PTPRD: variants seen among roughly 807,000 people sequenced by gnomAD.
The protein encoded by PTPRD is receptor-type tyrosine-protein phosphatase delta.
Under a neutral mutation model 214.5 loss-of-function variants are expected in PTPRD, and 34 were observed. The observed-to-expected ratio is 0.16, with a 90% confidence interval of 0.12 to 0.21. The LOEUF is 0.21. Among genes scored for constraint, PTPRD ranks in the 10% least tolerant of loss-of-function variants. PTPRD has a pLI of 1.00. For missense variants in PTPRD, 2,545 were observed against 2,398.7 expected (o/e 1.06, Z -1.27); for synonymous variants, 1,128 against 845.7 (o/e 1.33, Z -5.79).
At chr9:9,432,003 G>A (rs905147380) in intron 8 of PTPRD, among the ~76,000 whole-genome samples, 4 of 149,808 alleles carry the variant, frequency 2.7e-5, no homozygotes, top group African/African-American at 9.8e-5. Flanking sequence ...GTATACATAC[G>A]TAACAAACCT....
intron 14 of PTPRD, among the ~76,000 whole-genome samples, chr9:8,535,108 T>C (rs529050209): frequency 2.6e-5 from 4 of 151,888 alleles, no homozygotes; most frequent in African/African-American, 9.6e-5. Context: ...CACAGGAAGA[T>C]TGAATTAGAT....
chr9:9,805,020 T>A (rs1463254212), intron 5 of PTPRD, among the ~76,000 whole-genome samples: 1 of 152,122 alleles, frequency 6.6e-6, no homozygotes, highest in Non-Finnish European at 1.5e-5. Context: ...AGTGCAATTA[T>A]GTAATATCTA....
intron 8 of PTPRD, among the ~76,000 whole-genome samples, chr9:9,524,593 A>T (rs2073569659): frequency 6.6e-6 from 1 of 152,168 alleles, no homozygotes; most frequent in African/African-American, 2.4e-5. Flanking sequence ...TTATTATTTC[A>T]TATTGTTCCT....
In PTPRD at chr9:9,412,947, A is replaced by T. The variant is rs545517389; in HGVS notation, c.-236-15465T>A. On this transcript the variant is annotated intron_variant, in intron 8 of 45. Transcript: ENST00000381196. ...TTTCAGAGGAAAGATCAATGGAGGG[A>T]TATAGTTTTGGCAGTGGAACTTAGC... Among the ~76,000 whole-genome samples the T allele has an allele frequency of 2.6e-5, 4 of 152,148 alleles. No individual in the cohort carries two copies. In the East Asian group the frequency reaches 5.8e-4, roughly 22 times the overall value.
At chr9:9,241,090 T>C (rs974520477) in intron 9 of PTPRD, among the ~76,000 whole-genome samples, 1 of 152,146 alleles carries the variant, frequency 6.6e-6, no homozygotes, top group Non-Finnish European at 1.5e-5. Flanking sequence ...CTCATCGAGA[T>C]CAAACAGAGT....
intron 11 of PTPRD, among the ~76,000 whole-genome samples, chr9:8,761,853 T>C (rs1464149559): frequency 6.6e-6 from 1 of 152,162 alleles, no homozygotes; most frequent in Non-Finnish European, 1.5e-5. Flanking sequence ...ACAGTTTTAG[T>C]TTTAAATATA....
At chr9:9,106,908 C>T (rs2099799470) in intron 10 of PTPRD, among the ~76,000 whole-genome samples, 1 of 152,108 alleles carries the variant, frequency 6.6e-6, no homozygotes, top group African/African-American at 2.4e-5. Context: ...TTTGTGATAA[C>T]TTAATCTACC....
chr9:9,615,849 C>A (rs2154348848), intron 7 of PTPRD, among the ~76,000 whole-genome samples: 1 of 152,196 alleles, frequency 6.6e-6, no homozygotes, highest in South Asian at 2.1e-4. Context: ...GTACTCAGAG[C>A]CAAGTGATAG....
intron 3 of PTPRD, among the ~76,000 whole-genome samples, chr9:10,240,823 A>T (rs10809045): frequency 0.37 from 56,467 of 151,554 alleles, 12,456 homozygotes; most frequent in Non-Finnish European, 0.49. Context: ...GGATTTTTGA[A>T]TCATGAACTA....
intron 44 of PTPRD, among the ~76,000 whole-genome samples, chr9:8,323,112 T>A (rs1029619715): frequency 6.6e-6 from 1 of 152,180 alleles, no homozygotes; most frequent in African/African-American, 2.4e-5. Context: ...CAAGAAAGAA[T>A]GGATGATAAG....
intron 4 of PTPRD, among the ~76,000 whole-genome samples, chr9:9,983,380 T>C (rs72692769): frequency 0.21 from 32,341 of 152,174 alleles, 4,250 homozygotes; most frequent in Middle Eastern, 0.33. Flanking sequence ...ATAAATACAC[T>C]ATAGTAAAAT....
intron 33 of PTPRD, among the ~76,000 whole-genome samples, chr9:8,455,813 A>C (rs1192893647): frequency 6.6e-6 from 1 of 152,224 alleles, no homozygotes; most frequent in Non-Finnish European, 1.5e-5. Flanking sequence ...AATCAGTTGT[A>C]GAAAAATCTA....
chr9:9,913,791 G>C (rs1319675673), intron 5 of PTPRD, among the ~76,000 whole-genome samples: 1 of 152,110 alleles, frequency 6.6e-6, no homozygotes, highest in Non-Finnish European at 1.5e-5. Flanking sequence ...TCATTACCCT[G>C]GATTAGGAGC....
chr9:10,374,654 G>A (rs933654192), intron 2 of PTPRD, among the ~76,000 whole-genome samples: 1 of 152,050 alleles, frequency 6.6e-6, no homozygotes, highest in East Asian at 1.9e-4. Flanking sequence ...GAAGTGGGAG[G>A]TGGTAATATG....
chr9:10,344,189 T>C (rs1328255175), intron 2 of PTPRD, among the ~76,000 whole-genome samples: 1 of 151,906 alleles, frequency 6.6e-6, no homozygotes, highest in East Asian at 1.9e-4. Context: ...TTAATCCATC[T>C]TGAATTAATT....
At chr9:9,722,662 G>T (rs764186684) in intron 7 of PTPRD, among the ~76,000 whole-genome samples, 1 of 151,986 alleles carries the variant, frequency 6.6e-6, no homozygotes, top group East Asian at 1.9e-4. Context: ...TGAAGTGTCT[G>T]CATCATTTTG....
At chr9:9,154,326 A>G (rs946929478) in intron 10 of PTPRD, among the ~76,000 whole-genome samples, 1 of 152,280 alleles carries the variant, frequency 6.6e-6, no homozygotes, top group Admixed American at 6.5e-5. Flanking sequence ...GGCTTAAACC[A>G]CAAGCATTTG....
intron 8 of PTPRD, among the ~76,000 whole-genome samples, chr9:9,435,398 C>A (rs568557924): frequency 4.0e-4 from 42 of 104,000 alleles, no homozygotes; most frequent in African/African-American, 1.6e-3. Context: ...GTGGCATGTG[C>A]CTGCAGACCC....
chr9:9,217,893 C>G (rs1223556783), intron 9 of PTPRD, among the ~76,000 whole-genome samples: 3 of 152,122 alleles, frequency 2.0e-5, no homozygotes, highest in African/African-American at 4.8e-5. Context: ...CCCCTGCTCT[C>G]TTACATAATT....
Sources: gnomAD v4.1 joint callset for allele counts (sites outside exome capture counted in the v4.1 genomes callset) on GRCh38, gnomAD v4.1.1 for gene constraint, MANE v1.5 for transcripts, NCBI Gene and HGNC (gene_info 2026-07-23, HGNC 2026-07-21) for gene names.